PALM2AKAP2: variants seen among roughly 807,000 people sequenced by gnomAD.
PALM2AKAP2 encodes the protein PALM2 and AKAP2 fusion.
Under a neutral mutation model 71.5 loss-of-function variants are expected in PALM2AKAP2, and 37 were observed. The observed-to-expected ratio is 0.52, with a 90% confidence interval of 0.40 to 0.68. PALM2AKAP2 has a LOEUF of 0.68. Ranked by LOEUF, PALM2AKAP2 falls within the 30% of genes least tolerant of loss-of-function variation. PALM2AKAP2 has a pLI of 0.00. For synonymous variants in PALM2AKAP2, 468 were observed against 478.8 expected, an observed-to-expected ratio of 0.98 and a Z score of 0.29; for missense variants, 1,224 against 1,191.8, an observed-to-expected ratio of 1.03 and a Z score of -0.40.
At chr9:110,096,458 G>A (rs983229048) in intron 1 of PALM2AKAP2, among the ~76,000 whole-genome samples, 1 of 99,496 alleles carries the variant, frequency 1.0e-5, no homozygotes, top group Non-Finnish European at 2.0e-5. Flanking sequence ...TTAAGATGGG[G>A]GTCTTCCCAT....
chr9:109,801,904 G>C (rs540477106), intron 1 of PALM2AKAP2, among the ~76,000 whole-genome samples: 3 of 152,100 alleles, frequency 2.0e-5, no homozygotes, highest in Non-Finnish European at 4.4e-5. Context: ...GCCTTTTCCT[G>C]GACTAATGAG....
intron 2 of PALM2AKAP2, among the ~76,000 whole-genome samples, chr9:109,870,381 G>C (rs1210104076): frequency 1.3e-5 from 2 of 152,170 alleles, no homozygotes; most frequent in Admixed American, 1.3e-4. Flanking sequence ...CCTCGCCCCT[G>C]GATGGAAGTA....
At chr9:109,843,301 C>CAAAAAAAAAAA (rs35634219) in intron 1 of PALM2AKAP2, among the ~76,000 whole-genome samples, 1 of 66,960 alleles carries the variant, frequency 1.5e-5, no homozygotes, top group Non-Finnish European at 2.6e-5. Context: ...GCCCCTGTCT[C>CAAAAAAAAAAA]AAAAAAAAAA....
At chr9:110,128,443 T>C (rs1342020640) in intron 1 of PALM2AKAP2, among the ~76,000 whole-genome samples, 1 of 152,238 alleles carries the variant, frequency 6.6e-6, no homozygotes, top group Non-Finnish European at 1.5e-5. Context: ...TTTTGTTTTA[T>C]AGCCATGCCT....
chr9:109,662,504 C>T (rs569462373), intron 1 of PALM2AKAP2, among the ~76,000 whole-genome samples: 10 of 152,242 alleles, frequency 6.6e-5, no homozygotes, highest in African/African-American at 2.4e-4. Flanking sequence ...GCTTTGCATC[C>T]CAGGGATGAA....
At chr9:110,139,942 G>A (rs188653482) in intron 2 of PALM2AKAP2, among the ~76,000 whole-genome samples, 4 of 152,316 alleles carry the variant, frequency 2.6e-5, no homozygotes, top group African/African-American at 9.6e-5. Flanking sequence ...CAGGTAGCAC[G>A]TGGTATTAGT....
chr9:109,889,750 A>G (rs1022193426), intron 3 of PALM2AKAP2, among the ~76,000 whole-genome samples: 3 of 152,176 alleles, frequency 2.0e-5, no homozygotes, highest in Admixed American at 2.0e-4. Context: ...CAGGTTTTGT[A>G]GGATCCATTA....
rs138447964 is a variant in PALM2AKAP2 at position 109,909,256 on chromosome 9, C to T, written c.258-14479C>T. 1.3e-3 allele frequency among the ~76,000 whole-genome samples: 200 copies of T among 152,324 alleles called. 3 individuals are homozygous for T. Among genetic ancestry groups the T allele is most frequent in the African/African-American group, 4.5e-3 (189 of 41,574 alleles). ...AGAGCCACACAGCAGTTACCTTCTG[C>T]ATCCTCCTGCTTCAGAGAAAGCAAA... On this transcript the variant is annotated intron_variant, in intron 3 of 9. Coordinates refer to the PALM2AKAP2 transcript ENST00000302798.
At chr9:110,112,974 G>A (rs1021586595) in intron 1 of PALM2AKAP2, among the ~76,000 whole-genome samples, 1 of 152,230 alleles carries the variant, frequency 6.6e-6, no homozygotes, top group African/African-American at 2.4e-5. Context: ...AGTTGCTAAT[G>A]CCTTTGAGGA....
intron 1 of PALM2AKAP2, among the ~76,000 whole-genome samples, chr9:109,698,156 T>A (rs1052912803): frequency 2.6e-5 from 4 of 152,114 alleles, no homozygotes; most frequent in Non-Finnish European, 5.9e-5. Context: ...ACAAAAAACC[T>A]TTTTGCAGCT....
At chr9:109,781,071 G>T (rs113435257) in intron 1 of PALM2AKAP2, among the ~76,000 whole-genome samples, 1 of 152,204 alleles carries the variant, frequency 6.6e-6, no homozygotes, top group East Asian at 1.9e-4. Context: ...CACCACCCTG[G>T]AGGTCTGGGG....
At chr9:109,774,230 G>C (rs950560575) in intron 1 of PALM2AKAP2, among the ~76,000 whole-genome samples, 3 of 152,218 alleles carry the variant, frequency 2.0e-5, no homozygotes, top group Admixed American at 1.3e-4. Flanking sequence ...TAAGCTCTCT[G>C]AGAAACCAAT....
At chr9:110,070,454 ATC>A (rs938404975) in intron 1 of PALM2AKAP2, among the ~76,000 whole-genome samples, 151 of 151,932 alleles carry the variant, frequency 9.9e-4, no homozygotes, top group African/African-American at 3.4e-3. Flanking sequence ...AAATTTTAAA[ATC>A]TCTGTTTATT....
At chr9:109,750,811 T>C (rs1418303722) in intron 1 of PALM2AKAP2, among the ~76,000 whole-genome samples, 3 of 152,196 alleles carry the variant, frequency 2.0e-5, no homozygotes, top group Non-Finnish European at 4.4e-5. Flanking sequence ...TTGTAAGATA[T>C]AGTATGGTCC....
chr9:109,780,066 C>A (rs1159435116), upstream of PALM2AKAP2, among the ~76,000 whole-genome samples: 1 of 151,246 alleles, frequency 6.6e-6, no homozygotes, highest in Non-Finnish European at 1.5e-5. Flanking sequence ...TGGAGACCCG[C>A]GGCGGCGATC....
In PALM2AKAP2 at chr9:109,700,239, G is replaced by A. The variant is rs563725739; in HGVS notation, c.5+59373G>A. On this transcript the variant is annotated intron_variant, in intron 1 of 6. Transcript: ENST00000374531. ...GTGTCATGGGAGGGACGTGGTGGAA[G>A]GTAATTGAATCATGGGGGTGGGTTT... Among the ~76,000 whole-genome samples the A allele has an allele frequency of 2.2e-4, 33 of 152,274 alleles. No individual in the cohort carries two copies. In the South Asian group the frequency reaches 6.4e-3, roughly 30 times the overall value.
chr9:110,005,519 T>C (rs939608453), intron 6 of PALM2AKAP2, among the ~76,000 whole-genome samples: 1 of 152,232 alleles, frequency 6.6e-6, no homozygotes, highest in Non-Finnish European at 1.5e-5. Flanking sequence ...GATCTCCAGC[T>C]GTGTGCTGGG....
intron 1 of PALM2AKAP2, among the ~76,000 whole-genome samples, chr9:109,672,600 C>T (rs898306438): frequency 7.3e-5 from 11 of 151,380 alleles, no homozygotes; most frequent in South Asian, 2.1e-4. Flanking sequence ...ATTTTGGTAT[C>T]AGGATGATGC....
intron 3 of PALM2AKAP2, among the ~76,000 whole-genome samples, chr9:109,909,774 A>G (rs999246911): frequency 6.6e-6 from 1 of 152,184 alleles, no homozygotes; most frequent in Admixed American, 6.5e-5. Flanking sequence ...GTAATTACCC[A>G]TGGGAAGGGG....
Sources: allele counts gnomAD v4.1 joint callset (sites outside exome capture counted in the v4.1 genomes callset), GRCh38; gene constraint gnomAD v4.1.1; transcripts MANE v1.5; gene names NCBI Gene and HGNC (gene_info 2026-07-23, HGNC 2026-07-21).